The following KCNQ3 variants were observed in gnomAD, a reference collection of about 807,000 sequenced individuals.
KCNQ3 encodes potassium voltage-gated channel subfamily KQT member 3.
In KCNQ3, 30 loss-of-function variants were observed where a neutral mutation model predicts 92.5. The observed-to-expected ratio is 0.32, with a 90% CI of 0.24 to 0.44. The LOEUF is 0.44. KCNQ3 is among the 20% of genes least tolerant of loss of function. The pLI, the probability that KCNQ3 is intolerant of heterozygous loss-of-function variation, is 1.00. For missense variants in KCNQ3, 913 were observed against 1,140.3 expected, an observed-to-expected ratio of 0.80 and a Z score of 2.87; for synonymous variants, 450 against 468.8, an observed-to-expected ratio of 0.96 and a Z score of 0.52.
intron 1 of KCNQ3, among the ~76,000 whole-genome samples, chr8:132,283,824 T>C (rs1319953556): frequency 2.0e-5 from 3 of 152,266 alleles, no homozygotes; most frequent in Non-Finnish European, 4.4e-5. Flanking sequence ...AACTGGTTCC[T>C]GATAGCACCA....
At chr8:132,199,774 G>A (rs1262478180) in intron 1 of KCNQ3, among the ~76,000 whole-genome samples, 1 of 152,162 alleles carries the variant, frequency 6.6e-6, no homozygotes, top group Non-Finnish European at 1.5e-5. Context: ...GCCAGGTGTG[G>A]TGGCAGGCAT....
intron 1 of KCNQ3, among the ~76,000 whole-genome samples, chr8:132,215,959 A>T (rs1814017327): frequency 6.6e-6 from 1 of 152,194 alleles, no homozygotes; most frequent in Non-Finnish European, 1.5e-5. Context: ...AACTCAACGT[A>T]AGATAAAGGG....
chr8:132,374,972 G>A (rs1819571535), intron 1 of KCNQ3, among the ~76,000 whole-genome samples: 1 of 152,152 alleles, frequency 6.6e-6, no homozygotes, highest in Admixed American at 6.5e-5. Context: ...ATTGTGAATA[G>A]GGCTGCAGTG....
intron 1 of KCNQ3, among the ~76,000 whole-genome samples, chr8:132,228,818 C>T (rs1814527052): frequency 6.6e-6 from 1 of 150,968 alleles, no homozygotes; most frequent in Non-Finnish European, 1.5e-5. Flanking sequence ...TGAGATAGAG[C>T]CAGGAAGATG....
intron 1 of KCNQ3, chr8:132,278,326 AAAAG>A (rs988748582): frequency 1.9e-4 from 93 of 478,836 alleles, no homozygotes; most frequent in African/African-American, 1.9e-3. Flanking sequence ...AAGAAAAATG[AAAAG>A]AAAGAAACAA....
At chr8:132,232,362 G>A (rs890306169) in intron 1 of KCNQ3, among the ~76,000 whole-genome samples, 6 of 152,174 alleles carry the variant, frequency 3.9e-5, no homozygotes, top group Non-Finnish European at 7.3e-5. Context: ...ACCATTCCTT[G>A]AGTGGTGAGG....
At chr8:132,176,422 C>T (rs1312290377) in intron 4 of KCNQ3, among the ~76,000 whole-genome samples, 1 of 152,148 alleles carries the variant, frequency 6.6e-6, no homozygotes, top group African/African-American at 2.4e-5. Flanking sequence ...ATTCCAGTTT[C>T]AAGATTTATC....
intron 1 of KCNQ3, among the ~76,000 whole-genome samples, chr8:132,427,069 T>G (rs1821131642): frequency 6.6e-6 from 1 of 152,208 alleles, no homozygotes. Context: ...GCATCTCACA[T>G]GCAGAATCTA....
intron 1 of KCNQ3, among the ~76,000 whole-genome samples, chr8:132,310,295 C>T (rs1017524723): frequency 2.0e-5 from 3 of 151,846 alleles, no homozygotes; most frequent in African/African-American, 7.2e-5. Context: ...AGCTGTGCAA[C>T]CTCGGGTCCA....
chr8:132,237,356 A>G (rs1245102272), intron 1 of KCNQ3, among the ~76,000 whole-genome samples: 1 of 152,194 alleles, frequency 6.6e-6, no homozygotes, highest in African/African-American at 2.4e-5. Context: ...AGTGCTGTGC[A>G]TATAATATGT....
At chr8:132,133,354 C>CT (rs10673519) in intron 13 of KCNQ3, among the ~76,000 whole-genome samples, 36,188 of 101,676 alleles carry the variant, frequency 0.36, 8,611 homozygotes, top group Middle Eastern at 0.53. Flanking sequence ...GCTCTCGATT[C>CT]TTTTTTTTTT....
At chr8:132,277,876 T>C (rs1816388193) in intron 1 of KCNQ3, 3 of 909,144 alleles carry the variant, frequency 3.3e-6, no homozygotes, top group South Asian at 5.1e-5. Context: ...TTTTCTTCTT[T>C]TTATAATGAT....
At chr8:132,395,408 G>T (rs925246093) in intron 1 of KCNQ3, among the ~76,000 whole-genome samples, 1 of 152,140 alleles carries the variant, frequency 6.6e-6, no homozygotes, top group Admixed American at 6.5e-5. Flanking sequence ...TCTAATAGAA[G>T]TATCAGGAGT....
intron 1 of KCNQ3, among the ~76,000 whole-genome samples, chr8:132,250,288 G>C (rs1248094020): frequency 6.6e-6 from 1 of 152,218 alleles, no homozygotes; most frequent in African/African-American, 2.4e-5. Flanking sequence ...AGAGCCAAGG[G>C]ACAAGGAGAC....
chr8:132,308,335 C>A (rs1410578372), intron 1 of KCNQ3, among the ~76,000 whole-genome samples: 1 of 152,086 alleles, frequency 6.6e-6, no homozygotes, highest in Non-Finnish European at 1.5e-5. Context: ...ATAAGGAAGC[C>A]AGGCAGAATC....
chr8:132,154,679 C>A (rs1825752452), intron 9 of KCNQ3, among the ~76,000 whole-genome samples: 2 of 152,148 alleles, frequency 1.3e-5, no homozygotes. Flanking sequence ...AGGAGCCTGG[C>A]CTCTCCTGTT....
In KCNQ3 at chr8:132,303,677, T is replaced by TATATATATATAC. The variant is rs376933089; in HGVS notation, c.387-117497_387-117496insGTATATATATAT. Among the ~76,000 whole-genome samples, 143 of 86,000 alleles carry TATATATATATAC rather than the reference T, an allele frequency of 1.7e-3. 7 individuals carry two copies. The highest frequency in any genetic ancestry group is 0.014 in the Middle Eastern group (2 of 138). 56.4% of individuals were successfully genotyped at this position (86,000 alleles called of 152,430 possible). On this transcript the variant is annotated intron_variant, in intron 1 of 14. Coordinates refer to ENST00000388996, the MANE Select transcript of KCNQ3 (RefSeq NM_004519.4). The stretch of plus-strand genomic sequence containing the variant: ...TTTATGGTGTGTGTGTATATATATA[T>TATATATATATAC]ACACACACACAGCCACACCACACAC...
At chr8:132,167,785 T>C (rs2130096452) in intron 8 of KCNQ3, among the ~76,000 whole-genome samples, 1 of 152,358 alleles carries the variant, frequency 6.6e-6, no homozygotes, top group South Asian at 2.1e-4. Context: ...CAATGCCTTA[T>C]TTATAATACA....
At chr8:132,245,608 A>G (rs925963420) in intron 1 of KCNQ3, among the ~76,000 whole-genome samples, 2 of 152,076 alleles carry the variant, frequency 1.3e-5, no homozygotes, top group African/African-American at 2.4e-5. Flanking sequence ...TGTTTCCACT[A>G]CTCAACTTCC....
Sources: gnomAD v4.1 joint callset for allele counts (sites outside exome capture counted in the v4.1 genomes callset) on GRCh38, gnomAD v4.1.1 for gene constraint, MANE v1.5 for transcripts, NCBI Gene and HGNC (gene_info 2026-07-23, HGNC 2026-07-21) for gene names.